The following AGBL3 variants were observed in gnomAD, a reference collection of about 807,000 sequenced individuals.
AGBL3 encodes cytosolic carboxypeptidase 3.
A neutral mutation model predicts 94.5 loss-of-function variants in AGBL3; 68 were observed. The ratio of observed to expected loss-of-function variants is 0.72; its 90% CI spans 0.59 to 0.88. The LOEUF (loss-of-function observed/expected upper bound fraction) is 0.88, where lower values mean the gene tolerates loss of function less well. AGBL3 is among the 40% of genes least tolerant of loss of function. AGBL3 has a pLI of 0.00. For synonymous variants in AGBL3, 354 were observed against 370.7 expected (o/e 0.95, Z 0.52); for missense variants, 934 against 1,103.8 (o/e 0.85, Z 2.18).
At chr7:135,109,676 T>C (rs1181048243) in intron 15 of AGBL3, among the ~76,000 whole-genome samples, 1 of 151,980 alleles carries the variant, frequency 6.6e-6, no homozygotes, top group Non-Finnish European at 1.5e-5. Context: ...AGCAGGGGTA[T>C]CTGTAGACCT....
chr7:134,996,036 T>C (rs553119079), intron 4 of AGBL3, among the ~76,000 whole-genome samples: 1 of 152,208 alleles, frequency 6.6e-6, no homozygotes. Flanking sequence ...CTTTTGTCAC[T>C]TGACTATTGC....
chr7:135,061,305 T>C (rs1445952353), intron 12 of AGBL3, among the ~76,000 whole-genome samples: 1 of 152,128 alleles, frequency 6.6e-6, no homozygotes, highest in African/African-American at 2.4e-5. Context: ...AGATGTATGG[T>C]TTGCAAATAT....
At chr7:134,994,955 C>T (rs1434052564) in intron 4 of AGBL3, among the ~76,000 whole-genome samples, 1 of 152,148 alleles carries the variant, frequency 6.6e-6, no homozygotes, top group Non-Finnish European at 1.5e-5. Context: ...CTTCTACCAT[C>T]ATCCCCACCT....
At chr7:135,068,264 G>A (rs533663276) in intron 12 of AGBL3, among the ~76,000 whole-genome samples, 2 of 152,312 alleles carry the variant, frequency 1.3e-5, no homozygotes, top group African/African-American at 4.8e-5. Flanking sequence ...TCTGCTTGGT[G>A]TACCTGAAAG....
chr7:134,987,552 C>T lies in AGBL3; in HGVS notation c.-59-323C>T, dbSNP rs541010234. Among the ~76,000 whole-genome samples, 4 of 152,248 alleles carry T rather than the reference C, an allele frequency of 2.6e-5. No homozygotes were observed. In the East Asian group the frequency reaches 7.7e-4, roughly 29 times the overall value. ...TGACTATAATTTTTAAATTCATTAT[C>T]TTTTAATGCCTCAGGATCATTCTGA... On this transcript the variant is annotated intron_variant, in intron 1 of 16. Coordinates refer to ENST00000436302, the MANE Select transcript of AGBL3 (RefSeq NM_178563.4).
intron 5 of AGBL3, among the ~76,000 whole-genome samples, chr7:135,022,458 GTCT>G (rs1447093553): frequency 6.6e-6 from 1 of 151,464 alleles, no homozygotes. Flanking sequence ...GGCCACATAC[GTCT>G]TCTTTTGAGA....
At chr7:135,022,997 T>C (rs892691274) in intron 5 of AGBL3, among the ~76,000 whole-genome samples, 4 of 152,218 alleles carry the variant, frequency 2.6e-5, no homozygotes, top group African/African-American at 9.6e-5. Flanking sequence ...TTATCATGTA[T>C]ATCTGTTTTT....
chr7:135,075,039 A>G (rs1820320634), intron 12 of AGBL3, among the ~76,000 whole-genome samples: 1 of 152,212 alleles, frequency 6.6e-6, no homozygotes, highest in South Asian at 2.1e-4. Flanking sequence ...TGCTGTTGTA[A>G]GAAATAATTC....
At chr7:135,064,037 G>C (rs897343013) in intron 12 of AGBL3, among the ~76,000 whole-genome samples, 4 of 152,148 alleles carry the variant, frequency 2.6e-5, no homozygotes, top group African/African-American at 9.7e-5. Context: ...AAGAGTTCAA[G>C]AGGGCAAGAC....
intron 6 of AGBL3, among the ~76,000 whole-genome samples, chr7:135,033,644 AAT>A (rs1404668129): frequency 1.3e-5 from 2 of 152,194 alleles, no homozygotes; most frequent in African/African-American, 4.8e-5. Context: ...AAGGGATGCA[AAT>A]AGTTATCGAA....
At chr7:135,095,511 C>A (rs1292915347) in intron 15 of AGBL3, among the ~76,000 whole-genome samples, 1 of 152,152 alleles carries the variant, frequency 6.6e-6, no homozygotes, top group Non-Finnish European at 1.5e-5. Context: ...TAATATAAAA[C>A]CCCATAGTAA....
intron 15 of AGBL3, among the ~76,000 whole-genome samples, chr7:135,086,783 A>G (rs73153758): frequency 0.12 from 18,030 of 151,914 alleles, 1,188 homozygotes; most frequent in East Asian, 0.19. Context: ...TTATTTATCA[A>G]GAACATAGGC....
chr7:135,014,705 A>G (rs2133478597), intron 4 of AGBL3, among the ~76,000 whole-genome samples: 1 of 152,256 alleles, frequency 6.6e-6, no homozygotes. Context: ...AGCCTGTCCT[A>G]AGGCCTATGG....
At chr7:135,097,613 A>C (rs1350572644) in intron 15 of AGBL3, among the ~76,000 whole-genome samples, 1 of 152,142 alleles carries the variant, frequency 6.6e-6, no homozygotes, top group Non-Finnish European at 1.5e-5. Context: ...TGTACTGTGA[A>C]GGGTATGATT....
intron 5 of AGBL3, among the ~76,000 whole-genome samples, chr7:135,026,276 T>TATTTTATTTTATTTTATTTTATTTC (rs1815129558): frequency 6.8e-6 from 1 of 147,160 alleles, no homozygotes; most frequent in African/African-American, 2.5e-5. Flanking sequence ...TATTTTATTT[T>TATTTTATTTTATTTTATTTTATTTC]ATTTTATTTT....
chr7:135,032,197 C>T (rs1186183858), intron 5 of AGBL3, among the ~76,000 whole-genome samples: 1 of 152,198 alleles, frequency 6.6e-6, no homozygotes, highest in African/African-American at 2.4e-5. Context: ...TGCGTGAAAA[C>T]AGCTCATACC....
At chr7:135,096,353 A>AAGAG (rs1211651160) in intron 15 of AGBL3, among the ~76,000 whole-genome samples, 3 of 149,660 alleles carry the variant, frequency 2.0e-5, no homozygotes, top group South Asian at 2.1e-4. Flanking sequence ...GAAAGAAAGA[A>AAGAG]AGAGAGAGAC....
chr7:135,101,459 T>C (rs1189720532), intron 15 of AGBL3, among the ~76,000 whole-genome samples: 1 of 152,158 alleles, frequency 6.6e-6, no homozygotes, highest in Non-Finnish European at 1.5e-5. Flanking sequence ...GTATATGAGT[T>C]GAATATAGAA....
At chr7:135,072,923 A>T (rs1429934927) in intron 12 of AGBL3, among the ~76,000 whole-genome samples, 1 of 152,036 alleles carries the variant, frequency 6.6e-6, no homozygotes, top group East Asian at 1.9e-4. Context: ...TAAAAATAAA[A>T]AATAAAAATA....
Sources: gnomAD v4.1 joint callset for allele counts (sites outside exome capture counted in the v4.1 genomes callset) on GRCh38, gnomAD v4.1.1 for gene constraint, MANE v1.5 for transcripts, NCBI Gene and HGNC (gene_info 2026-07-23, HGNC 2026-07-21) for gene names.